Variants in CHM observed in about 807,000 individuals in gnomAD.
CHM encodes the protein CHM Rab escort protein, also known as rab proteins geranylgeranyltransferase component A 1.
In CHM, 10 loss-of-function variants were observed where a neutral mutation model predicts 49.0. The ratio of observed to expected loss-of-function variants is 0.20; its 90% CI spans 0.13 to 0.35. CHM has a LOEUF of 0.35. Ranked by LOEUF, CHM falls within the 10% of genes least tolerant of loss-of-function variation. CHM has a pLI of 1.00. For synonymous variants in CHM, 184 were observed against 167.5 expected (o/e 1.10, Z -0.76); for missense variants, 455 against 478.4 (o/e 0.95, Z 0.46).
intron 7 of CHM, among the ~76,000 whole-genome samples, 161 bp downstream of exon 7, chrX:85,957,688 TAATTTA>T (rs1162088255): frequency 4.5e-5 from 5 of 111,308 alleles, no homozygotes; most frequent in Non-Finnish European, 9.4e-5. Context: ...TCACTTTAAT[TAATTTA>T]AATTTAAATA....
chrX:85,920,096 A>AT (rs1927687124), intron 8 of CHM, among the ~76,000 whole-genome samples: 1 of 108,493 alleles, frequency 9.2e-6, no homozygotes, highest in Non-Finnish European at 1.9e-5. Flanking sequence ...TGTTATTTTT[A>AT]TTTTTATTTT....
intron 8 of CHM, among the ~76,000 whole-genome samples, chrX:85,942,334 C>T (rs1171803075): frequency 9.8e-6 from 1 of 102,088 alleles, no homozygotes; most frequent in Non-Finnish European, 2.0e-5. Flanking sequence ...CTCTTTAGGA[C>T]CTCTTCCTTT....
chrX:85,929,674 T>G (rs1353224903), intron 8 of CHM, among the ~76,000 whole-genome samples: 3 of 112,378 alleles, frequency 2.7e-5, no homozygotes, highest in African/African-American at 9.7e-5. Flanking sequence ...AGTCAATTCC[T>G]CCCTTAACTT....
intron 8 of CHM, among the ~76,000 whole-genome samples, chrX:85,920,087 G>C (rs1049800954): frequency 1.5e-4 from 16 of 109,843 alleles, no homozygotes; most frequent in African/African-American, 4.3e-4. Flanking sequence ...TTTTGTTTTT[G>C]TTATTTTTAT....
In CHM at chrX:86,031,016, T is replaced by C. The variant is rs1166370566; in HGVS notation, c.50-3459A>G. Among the ~76,000 whole-genome samples, 3 of 111,286 alleles carry C rather than the reference T, an allele frequency of 2.7e-5. No homozygotes were observed. The Admixed American group carries it at 2.9e-4, about 11-fold the overall frequency. On this transcript the variant is annotated intron_variant, in intron 1 of 14. Coordinates refer to ENST00000357749, the MANE Select transcript of CHM (RefSeq NM_000390.4). ...ATTCTTCTGTTGATGGACATTTAGG[T>C]TGTTTTCACATGTTACCCATTGTGA...
At chrX:85,899,279 G>C (rs1241119033) in intron 11 of CHM, among the ~76,000 whole-genome samples, 1 of 111,322 alleles carries the variant, frequency 9.0e-6, no homozygotes, top group Non-Finnish European at 1.9e-5. Context: ...AGAGGGTACT[G>C]AAATGAACAA....
intron 12 of CHM, among the ~76,000 whole-genome samples, chrX:85,887,633 T>C (rs749851543): frequency 1.2e-4 from 13 of 110,633 alleles, no homozygotes; most frequent in Non-Finnish European, 1.7e-4. Context: ...GACAGGAAAA[T>C]GTGGGAAAGT....
rs752343120 is a variant in CHM, at chrX:86,026,228, A to G, written c.116+1263T>C. On this transcript the variant is annotated intron_variant, in intron 2 of 14. Transcript: ENST00000357749. ...TCCACCACCGGACCAAGTTCAAGCA[A>G]TTCTCCTGCCTCAGCCTCCCAAGAA... Among the ~76,000 whole-genome samples, 4 of 99,555 alleles carry G rather than the reference A, an allele frequency of 4.0e-5. No individual in the cohort carries two copies. The East Asian group carries it at 9.6e-4, about 24-fold the overall frequency. 86.5% of individuals were successfully genotyped at this position (99,555 alleles called of 115,157 possible). A position where few individuals can be genotyped will look rare whatever the true frequency, so the allele number is the denominator to read the frequency against.
rs2147663314 is a variant in CHM at position 85,956,308 on chromosome X, G to A, written c.1011C>T (p.Val337=). 8.3e-7 allele frequency: 1 copy of A among 1,211,645 alleles called. No homozygotes were observed. Among genetic ancestry groups the A allele is most frequent in the Non-Finnish European group, 1.1e-6 (1 of 895,433 alleles). ...CTGATGTCATTGCAATTGAATGCAT[G>A]ACAATATATTGGAGGTTGGGGGTTA... ...QKLTPNLQYI[V]MHSIAMTSET... is the part of the protein sequence containing the mutation. Residue 337 remains valine (V), a synonymous_variant, in exon 8 of 15, where the codon GTC becomes GTT. Transcript: ENST00000357749.
In CHM at chrX:85,970,567, G is replaced by C. The variant is rs768016555; in HGVS notation, c.315-6515C>G. On this transcript the variant is annotated intron_variant, in intron 4 of 14. Transcript: ENST00000357749. ...TTCAAATTTGGCTCTGCTATCTCTA[G>C]CATTCCTTGAGCTTCTGTTTGTCAG... The C allele has an allele frequency of 2.1e-4, 81 of 386,297 alleles. 2 individuals are homozygous for C. In the South Asian group the frequency reaches 9.3e-3, roughly 44 times the overall value. The allele number at this position is 386,297 out of a possible 1,213,427, so 31.8% of individuals were successfully genotyped here. A position where few individuals can be genotyped will look rare whatever the true frequency, so the allele number is the denominator to read the frequency against.
At chrX:85,944,288 T>C (rs956134851) in intron 8 of CHM, among the ~76,000 whole-genome samples, 8 of 112,088 alleles carry the variant, frequency 7.1e-5, no homozygotes, top group African/African-American at 2.6e-4. Flanking sequence ...TATCTTATGA[T>C]TTATCCAAAG....
intron 2 of CHM, among the ~76,000 whole-genome samples, chrX:85,996,239 A>T (rs1041645738): frequency 8.9e-6 from 1 of 112,408 alleles, no homozygotes; most frequent in Admixed American, 9.5e-5. Context: ...TTAAGAGCAA[A>T]TAATAATTGA....
At chrX:86,042,702 A>C (rs1934515107) in intron 1 of CHM, among the ~76,000 whole-genome samples, 1 of 110,444 alleles carries the variant, frequency 9.1e-6, no homozygotes, top group South Asian at 3.9e-4. Flanking sequence ...GCATGTCTGT[A>C]ATCTCAGCTA....
intron 2 of CHM, among the ~76,000 whole-genome samples, chrX:86,021,065 TACACATATATATAC>T (rs1289907406): frequency 2.4e-4 from 23 of 96,638 alleles, no homozygotes; most frequent in African/African-American, 6.7e-4. Context: ...CACATATATA[TACACATATATATAC>T]ACACATATAT....
At chrX:86,007,198 G>T (rs1461100778) in intron 2 of CHM, among the ~76,000 whole-genome samples, 1 of 112,132 alleles carries the variant, frequency 8.9e-6, no homozygotes, top group Non-Finnish European at 1.9e-5. Flanking sequence ...GGGAAAACTG[G>T]ATAGCCATAT....
intron 12 of CHM, among the ~76,000 whole-genome samples, chrX:85,888,875 A>G (rs1389333386): frequency 1.8e-5 from 2 of 112,328 alleles, no homozygotes; most frequent in African/African-American, 6.5e-5. Context: ...TATCACAGAC[A>G]TGCAAAACCA....
intron 1 of CHM, among the ~76,000 whole-genome samples, chrX:86,046,692 C>A (rs1934661796): frequency 8.9e-6 from 1 of 111,749 alleles, no homozygotes; most frequent in Admixed American, 9.5e-5. Context: ...CATATGTGTT[C>A]TGCTACGTGT....
rs1930013892 is a variant in CHM, at chrX:85,956,453, T to A, written c.941-75A>T. ...TTAAAACCACCCCACAAAAAGGAGA[T>A]GAAGTGTGTTTCACAGACCTCACAA... On this transcript the variant is annotated intron_variant, in intron 7 of 14. Transcript: ENST00000357749. 7.0e-6 allele frequency: 8 copies of A among 1,140,394 alleles called. No individual in the cohort carries two copies. The Admixed American group carries it at 2.1e-4, about 30-fold the overall frequency. 94.0% of individuals were successfully genotyped at this position (1,140,394 alleles called of 1,213,427 possible).
intron 11 of CHM, among the ~76,000 whole-genome samples, chrX:85,897,914 CAA>C (rs934810299): frequency 3.0e-4 from 33 of 110,824 alleles, no homozygotes; most frequent in African/African-American, 8.2e-4. Flanking sequence ...GAGTGTCAGA[CAA>C]AGAGCAATTC....
Sources: allele counts gnomAD v4.1 joint callset (sites outside exome capture counted in the v4.1 genomes callset), GRCh38; gene constraint gnomAD v4.1.1; transcripts MANE v1.5; gene names NCBI Gene and HGNC (gene_info 2026-07-23, HGNC 2026-07-21).